Variants in ABCC11 observed in about 807,000 individuals in gnomAD.
The protein encoded by ABCC11 is ATP-binding cassette sub-family C member 11.
In ABCC11, 135 loss-of-function variants were observed where a neutral mutation model predicts 149.3. The ratio of observed to expected loss-of-function variants is 0.90; its 90% CI spans 0.79 to 1.04. ABCC11 has a LOEUF of 1.04. Ranked by LOEUF, ABCC11 falls within the 50% of genes least tolerant of loss-of-function variation. The probability of loss-of-function intolerance (pLI) is 0.00; values close to 1 mark genes in which losing one functional copy is unlikely to be tolerated. For synonymous variants in ABCC11, 665 were observed against 671.4 expected, an observed-to-expected ratio of 0.99 and a Z score of 0.15; for missense variants, 1,680 against 1,722.1, an observed-to-expected ratio of 0.98 and a Z score of 0.43.
chr16:48,228,938 T>C (rs1211759973), intron 3 of ABCC11, among the ~76,000 whole-genome samples: 1 of 152,130 alleles, frequency 6.6e-6, no homozygotes, highest in East Asian at 1.9e-4. Context: ...TAAGTTTATG[T>C]GTTTCAATGG....
intron 6 of ABCC11, among the ~76,000 whole-genome samples, chr16:48,216,878 A>G (rs996189368): frequency 3.3e-5 from 5 of 152,196 alleles, no homozygotes; most frequent in African/African-American, 1.2e-4. Flanking sequence ...GAATTTGCAA[A>G]TGGGACCCAT....
At position 48,167,339 on chromosome 16, in the gene ABCC11, G is replaced by T; in HGVS notation, c.4084C>A (p.Leu1362Met). 1 of 1,134,192 alleles carries T rather than the reference G, an allele frequency of 8.8e-7. No homozygotes were observed. Among genetic ancestry groups the T allele is most frequent in the Non-Finnish European group, 1.3e-6 (1 of 741,646 alleles). 70.3% of individuals were successfully genotyped at this position (1,134,192 alleles called of 1,614,324 possible). ...KVVEFDRPEV[L>M]RKKPGSLFAA... Reference sequence around the variant, plus strand: ...AACAATGACCCAGGCTTCTTCCGCAGTACCTCCGGCCGATCAAATTCTACC... The same window carrying T: ...AACAATGACCCAGGCTTCTTCCGCATTACCTCCGGCCGATCAAATTCTACC... Residue 1362 changes from leucine to methionine, a missense_variant, in exon 30 of 30, where the codon CTG (leucine) becomes ATG (methionine). Coordinates refer to ENST00000356608, the MANE Select transcript of ABCC11 (RefSeq NM_001370497.1).
In ABCC11 at chr16:48,166,411, TAGG is replaced by T. The variant is rs1240847813; in HGVS notation, c.*860_*862del. ...GAAGCCAAACAAAGGAAAGCAGAGCTAGGAGAAGAGAAACAGAGACCTCAAAAC... is the reference window on the plus strand; with the variant it reads ...GAAGCCAAACAAAGGAAAGCAGAGCTAGAAGAGAAACAGAGACCTCAAAAC... On this transcript the variant is annotated 3_prime_UTR_variant, in exon 30 of 30. Transcript: ENST00000356608. 2.0e-5 allele frequency among the ~76,000 whole-genome samples: 3 copies of T among 152,172 alleles called. No homozygotes were observed. Among genetic ancestry groups the T allele is most frequent in the Non-Finnish European group, 4.4e-5 (3 of 68,044 alleles).
chr16:48,206,596 T>TAAAATGGC (rs1385262522), intron 12 of ABCC11, among the ~76,000 whole-genome samples: 2 of 152,242 alleles, frequency 1.3e-5, no homozygotes, highest in African/African-American at 4.8e-5. Flanking sequence ...AACAAAACTT[T>TAAAATGGC]AAAATGGCAT....
rs79238582 is a variant in ABCC11 at position 48,215,322 on chromosome 16, A to G, written c.974T>C (p.Val325Ala). Residue 325 changes from valine to alanine, a missense_variant, in exon 8 of 30, where the codon GTG (valine) becomes GCG (alanine). Physicochemically the swap from Val to Ala is moderately conservative, Grantham distance 64 (BLOSUM62 0). Coordinates refer to ENST00000356608, the MANE Select transcript of ABCC11 (RefSeq NM_001370497.1). ...PLAVFMTRMA[V>A]KAQHHTSEVS... ...CTCAGATGTGTGATGCTGAGCCTTCACAGCCATTCTTGTCATGAATACCTG... is the reference window on the plus strand; with the variant it reads ...CTCAGATGTGTGATGCTGAGCCTTCGCAGCCATTCTTGTCATGAATACCTG... 2.5e-5 allele frequency: 41 copies of G among 1,613,782 alleles called. No homozygotes were observed. The South Asian group carries it at 4.3e-4, about 17-fold the overall frequency.
At position 48,213,388 on chromosome 16, in the gene ABCC11, G is replaced by A. The variant is rs935548819; in HGVS notation, c.1356+55C>T. On this transcript the variant is annotated intron_variant, in intron 10 of 29. Coordinates refer to ENST00000356608, the MANE Select transcript of ABCC11 (RefSeq NM_001370497.1). ...GTTCTGGAGGAACATCATGGGGGCT[G>A]AAGGCAGAGGAGCGTCCAAGCAGGG... is the stretch of plus-strand genomic sequence containing the variant. 18 of 1,491,164 alleles carry A rather than the reference G, an allele frequency of 1.2e-5. No homozygotes were observed. In the South Asian group the frequency reaches 2.0e-4, roughly 16 times the overall value. The allele number at this position is 1,491,164 out of a possible 1,614,324, so 92.4% of individuals were successfully genotyped here. A position where few individuals can be genotyped will look rare whatever the true frequency, so the allele number is the denominator to read the frequency against.
At chr16:48,168,104 G>A (rs1043102110) in intron 28 of ABCC11, among the ~76,000 whole-genome samples, 8 of 152,186 alleles carry the variant, frequency 5.3e-5, no homozygotes, top group Non-Finnish European at 7.3e-5. Context: ...CGATATGCAT[G>A]AGGAAACTGT....
intron 1 of ABCC11, among the ~76,000 whole-genome samples, chr16:48,243,143 G>A (rs376651139): frequency 2.6e-5 from 4 of 151,966 alleles, no homozygotes; most frequent in South Asian, 2.1e-4. Flanking sequence ...GCTCAGGCCT[G>A]TAATCCCAGC....
chr16:48,187,543 G>A (rs770347922), intron 20 of ABCC11, 116 bp from the exon 21 acceptor site: 13 of 827,938 alleles, frequency 1.6e-5, no homozygotes, highest in Non-Finnish European at 2.1e-5. Context: ...GGGTCTCCAG[G>A]GCAGGCAATG....
intron 23 of ABCC11, among the ~76,000 whole-genome samples, chr16:48,179,558 C>T (rs185872717): frequency 1.8e-3 from 272 of 152,262 alleles, no homozygotes; most frequent in African/African-American, 6.0e-3. Flanking sequence ...TGGCTCTGTG[C>T]CAGGTGCTGG....
chr16:48,167,350 C>A lies in ABCC11; in HGVS notation c.4073G>T (p.Arg1358Leu), dbSNP rs530694368. ...AGGCTTCTTCCGCAGTACCTCCGGC[C>A]GATCAAATTCTACCACCTGGAGGGT... ...MGNGKVVEFD[R>L]PEVLRKKPGS... The change falls in exon 30 of 30, where the codon CGG becomes CTG. Residue 1358 changes from arginine to leucine, a missense_variant. Physicochemically the swap from Arg to Leu is moderately radical, Grantham distance 102 (BLOSUM62 -2). Coordinates refer to ENST00000356608, the MANE Select transcript of ABCC11 (RefSeq NM_001370497.1). The A allele has an allele frequency of 8.0e-7, 1 of 1,244,682 alleles. No individual in the cohort carries two copies. The highest frequency in any genetic ancestry group is 1.2e-5 in the South Asian group (1 of 83,872). 77.1% of individuals were successfully genotyped at this position (1,244,682 alleles called of 1,614,324 possible). A position where few individuals can be genotyped will look rare whatever the true frequency, so the allele number is the denominator to read the frequency against.
rs1007360243 is a variant in ABCC11, at chr16:48,224,547, A to G, written c.396-118T>C. 4 of 1,168,946 alleles carry G rather than the reference A, an allele frequency of 3.4e-6. No individual in the cohort carries two copies. The African/African-American group carries it at 6.2e-5, about 18-fold the overall frequency. The allele number at this position is 1,168,946 out of a possible 1,614,324, so 72.4% of individuals were successfully genotyped here. A position where few individuals can be genotyped will look rare whatever the true frequency, so the allele number is the denominator to read the frequency against. ...TTTTCAAACATAACAGAATAGAACA[A>G]TGTAGTAATCTTCTGAGTACTCATC... On this transcript the variant is annotated intron_variant, in intron 4 of 29. Coordinates refer to ENST00000356608, the MANE Select transcript of ABCC11 (RefSeq NM_001370497.1).
At chr16:48,200,235 T>A in intron 15 of ABCC11, 41 bp downstream of exon 15, 1 of 1,586,688 alleles carries the variant, frequency 6.3e-7, no homozygotes, top group Non-Finnish European at 8.6e-7. Context: ...AGGATCTACG[T>A]TATCCGTCAA....
intron 15 of ABCC11, among the ~76,000 whole-genome samples, chr16:48,199,226 A>T (rs1967717705): frequency 6.6e-6 from 1 of 152,132 alleles, no homozygotes; most frequent in Non-Finnish European, 1.5e-5. Flanking sequence ...ACACTGTAGA[A>T]GTATGAAGAC....
chr16:48,232,013 C>G, intron 1 of ABCC11, 74 bp from the exon 2 acceptor site: 1 of 1,592,248 alleles, frequency 6.3e-7, no homozygotes, highest in East Asian at 2.3e-5. Flanking sequence ...CCTTGAGCAG[C>G]CAGAAGAGGG....
chr16:48,233,525 C>G lies in ABCC11; in HGVS notation c.-18-1586G>C, dbSNP rs556653601. Among the ~76,000 whole-genome samples, 11 of 152,338 alleles carry G rather than the reference C, an allele frequency of 7.2e-5. 1 individual carries two copies. Among genetic ancestry groups the G allele is most frequent in the Admixed American group, 7.2e-4 (11 of 15,306 alleles). ...GTATTAGATAAGAGAGAGTGACACA[C>G]ACTCTTTACAGCTCTGGGAGGAAGA... is the stretch of plus-strand genomic sequence containing the variant. On this transcript the variant is annotated intron_variant, in intron 1 of 29. Coordinates refer to ENST00000356608, the MANE Select transcript of ABCC11 (RefSeq NM_001370497.1).
At chr16:48,199,621 A>T (rs1967753353) in intron 15 of ABCC11, among the ~76,000 whole-genome samples, 1 of 151,158 alleles carries the variant, frequency 6.6e-6, no homozygotes, top group Non-Finnish European at 1.5e-5. Flanking sequence ...AGACTTGGGG[A>T]ATTCTTTTCT....
At position 48,222,608 on chromosome 16, in the gene ABCC11, G is replaced by A. The variant is rs781690246; in HGVS notation, c.767C>T (p.Thr256Ile). The change falls in exon 6 of 30, where the codon ACC becomes ATC. Residue 256 changes from threonine (T) to isoleucine (I), a missense_variant. Physicochemically the swap from Thr to Ile is moderately conservative, Grantham distance 89. Transcript: ENST00000356608. ...GTCCCAGCTGCTTACCTCTCCTGAG[G>A]TGATGTGTATTACAGACTTAAATTG... is the stretch of plus-strand genomic sequence containing the variant. The part of the protein sequence containing the change: ...LIQFKSVIHI[T>I]SGEAISFFTG... 1 of 1,614,014 alleles carries A rather than the reference G, an allele frequency of 6.2e-7. No homozygotes were observed. The highest frequency in any genetic ancestry group is 2.2e-5 in the East Asian group (1 of 44,884).
Position 48,177,108 on chromosome 16 carries a change from A to T in ABCC11, c.3354T>A (p.Cys1118Ter), listed in dbSNP as rs568719377. ...VERILQYMKM[C>*]VSEAPLHMEG... ...CCATGTGTAAAGGAGCTTCCGAGACACACATCTTGTTTTTGAAGAAAGAAA... is the reference window on the plus strand; with the variant it reads ...CCATGTGTAAAGGAGCTTCCGAGACTCACATCTTGTTTTTGAAGAAAGAAA... The change falls in exon 25 of 30, where the codon TGT becomes TGA. Residue 1118 changes from cysteine to a stop codon, truncating the protein, a stop_gained. Coordinates refer to ENST00000356608, the MANE Select transcript of ABCC11 (RefSeq NM_001370497.1). LOFTEE classifies it high-confidence loss of function. The T allele has an allele frequency of 6.2e-7, 1 of 1,612,148 alleles. No homozygotes were observed. The highest frequency in any genetic ancestry group is 1.1e-5 in the South Asian group (1 of 90,880).
Sources: gnomAD v4.1 joint callset for allele counts (sites outside exome capture counted in the v4.1 genomes callset) on GRCh38, gnomAD v4.1.1 for gene constraint, MANE v1.5 for transcripts, NCBI Gene and HGNC (gene_info 2026-07-23, HGNC 2026-07-21) for gene names.